The following ERG28 variants were observed in gnomAD, a reference collection of about 807,000 sequenced individuals.
ERG28 encodes the protein ergosterol biosynthesis 28 homolog, also known as ergosterol biosynthetic protein 28 homolog.
ERG28 carries 9 observed loss-of-function variants against 15.7 expected under a neutral mutation model. That is an observed-to-expected ratio of 0.57 (90% CI 0.35 to 1.00). ERG28 has a LOEUF of 1.00. ERG28 is among the 50% of genes least tolerant of loss of function. The pLI is 0.02. For synonymous variants in ERG28, 61 were observed against 68.4 expected, an observed-to-expected ratio of 0.89 and a Z score of 0.53; for missense variants, 117 against 173.3, an observed-to-expected ratio of 0.68 and a Z score of 1.82.
chr14:75,652,133 G>T (rs759176446), intron 3 of ERG28, among the ~76,000 whole-genome samples: 1 of 152,230 alleles, frequency 6.6e-6, no homozygotes, highest in Non-Finnish European at 1.5e-5. Context: ...TGAACGTCCA[G>T]GTCTCAGCAA....
Position 75,657,521 on chromosome 14 carries a change from G to C in ERG28, c.-19C>G, listed in dbSNP as rs754372842. ...GGCTCATGACTCCCCTCAAACGTGG[G>C]AGGGCTTTTTGCCTTGGAAACAAAG... On this transcript the variant is annotated 5_prime_UTR_variant, in exon 2 of 5. Transcript: ENST00000256319. 1.2e-5 allele frequency: 19 copies of C among 1,613,724 alleles called. No homozygotes were observed. The South Asian group carries it at 2.1e-4, about 18-fold the overall frequency.
Position 75,652,411 on chromosome 14 carries a change from C to A in ERG28, c.225-522G>T, listed in dbSNP as rs369353387. Among the ~76,000 whole-genome samples the A allele has an allele frequency of 1.6e-4, 24 of 152,260 alleles. 1 individual carries two copies. In the South Asian group the frequency reaches 5.0e-3, roughly 32 times the overall value. On this transcript the variant is annotated intron_variant, in intron 3 of 4. Coordinates refer to ENST00000256319, the MANE Select transcript of ERG28 (RefSeq NM_007176.4). ...TGCAATATACGTTGGTTACTTTGTG[C>A]CTTAGCCTAGAAAAGTAGTCACATT... is the stretch of plus-strand genomic sequence containing the variant.
rs912828852 is a variant in ERG28, at chr14:75,655,048, A to C, written c.134-72T>G. 13 of 1,449,078 alleles carry C rather than the reference A, an allele frequency of 9.0e-6. No homozygotes were observed. In the African/African-American group the frequency reaches 1.8e-4, roughly 20 times the overall value. 89.8% of individuals were successfully genotyped at this position (1,449,078 alleles called of 1,614,324 possible). The stretch of plus-strand genomic sequence containing the variant: ...GTTCCTTCCAAACTCCTCCTATTTC[A>C]CTGGTGGTTCATGGGAGATAGGGAG... On this transcript the variant is annotated intron_variant, in intron 2 of 4. Coordinates refer to ENST00000256319, the MANE Select transcript of ERG28 (RefSeq NM_007176.4).
At chr14:75,653,254 G>A (rs1029610003) in intron 3 of ERG28, among the ~76,000 whole-genome samples, 9 of 152,124 alleles carry the variant, frequency 5.9e-5, no homozygotes, top group East Asian at 1.9e-4. Flanking sequence ...AGGAGTCAGC[G>A]TTTGCAGCTG....
At chr14:75,657,228 A>G in intron 2 of ERG28, 142 bp downstream of exon 2, 1 of 1,033,086 alleles carries the variant, frequency 9.7e-7, no homozygotes, top group Non-Finnish European at 1.4e-6. Context: ...AGGTTCAATA[A>G]ATAGGTTTGG....
rs1890531645 is a variant in ERG28, at chr14:75,651,889, C to G, written c.225G>C (p.Thr75=). The G allele has an allele frequency of 6.2e-7, 1 of 1,601,134 alleles. No individual in the cohort carries two copies. The highest frequency in any genetic ancestry group is 8.6e-7 in the Non-Finnish European group (1 of 1,168,224). ...AGGTCCAGAGTGTGATGTGATAGAG[C>G]CTATAAGGAAGCAGACAGAAATGGG... ...CLCAIDIHNK[T]LYHITLWTFL... is the part of the protein sequence containing the mutation. The change falls in exon 4 of 5, where the codon ACG becomes ACC. Residue 75 remains threonine, a splice_region_variant and synonymous_variant. Transcript: ENST00000256319.
At chr14:75,652,174 C>T (rs1890534562) in intron 3 of ERG28, among the ~76,000 whole-genome samples, 1 of 152,196 alleles carries the variant, frequency 6.6e-6, no homozygotes, top group Admixed American at 6.5e-5. Context: ...CAAAGCAGAG[C>T]CTGAATGATG....
chr14:75,651,871 G>C lies in ERG28; in HGVS notation c.243C>G (p.Leu81=), dbSNP rs766448296. Residue 81 remains leucine, a synonymous_variant, in exon 4 of 5, where the codon CTC becomes CTG. Coordinates refer to ENST00000256319, the MANE Select transcript of ERG28 (RefSeq NM_007176.4). The part of the protein sequence containing the change: ...IHNKTLYHIT[L]WTFLLALGHF... Reference sequence around the variant, plus strand: ...GCCCCAGGGCAAGGAGGAAGGTCCAGAGTGTGATGTGATAGAGCCTATAAG... The same window carrying C: ...GCCCCAGGGCAAGGAGGAAGGTCCACAGTGTGATGTGATAGAGCCTATAAG... The C allele has an allele frequency of 1.9e-6, 3 of 1,612,660 alleles. No homozygotes were observed. Among genetic ancestry groups the C allele is most frequent in the East Asian group, 2.2e-5 (1 of 44,884 alleles).
At chr14:75,652,935 G>T (rs1953911327) in intron 3 of ERG28, among the ~76,000 whole-genome samples, 1 of 145,958 alleles carries the variant, frequency 6.9e-6, no homozygotes, top group South Asian at 2.1e-4. Context: ...TGATTCTCCT[G>T]CCTCAGCCTC....
intron 3 of ERG28, among the ~76,000 whole-genome samples, chr14:75,652,269 C>T (rs1890535631): frequency 6.6e-6 from 1 of 152,224 alleles, no homozygotes; most frequent in Admixed American, 6.5e-5. Flanking sequence ...GCAGTCTAAT[C>T]CCACCTGGCA....
At chr14:75,654,458 C>G (rs1463476431) in intron 3 of ERG28, among the ~76,000 whole-genome samples, 6 of 152,218 alleles carry the variant, frequency 3.9e-5, no homozygotes, top group East Asian at 3.8e-4. Context: ...CATACACATA[C>G]AACAGTTTAC....
Position 75,658,887 on chromosome 14 carries a change from CTTTTCCTT to C in ERG28, c.-31-1362_-31-1355del, listed in dbSNP as rs796408554. Among the ~76,000 whole-genome samples the C allele has an allele frequency of 3.9e-5, 6 of 152,200 alleles. 1 individual carries two copies. Among genetic ancestry groups the C allele is most frequent in the African/African-American group, 1.4e-4 (6 of 41,516 alleles). On this transcript the variant is annotated intron_variant, in intron 1 of 4. Coordinates refer to ENST00000256319, the MANE Select transcript of ERG28 (RefSeq NM_007176.4). ...TAACCCTTTGCAAGAGATAAAGCCT[CTTTTCCTT>C]TTTTCCAAATTTATAAATTGTGTGT...
chr14:75,651,495 C>T lies in ERG28; in HGVS notation c.*60G>A, dbSNP rs997217926. The T allele has an allele frequency of 1.8e-5, 27 of 1,483,308 alleles. No homozygotes were observed. Among genetic ancestry groups the T allele is most frequent in the African/African-American group, 7.0e-5 (5 of 71,604 alleles). 91.9% of individuals were successfully genotyped at this position (1,483,308 alleles called of 1,614,324 possible). ...AAAAGAAATTAAAGAGGAGAGACGA[C>T]GAAGGAAGAAGATGGCCAAGGTGGA... On this transcript the variant is annotated 3_prime_UTR_variant, in exon 5 of 5. Transcript: ENST00000256319.
chr14:75,656,279 AACACACACACAC>A (rs34053718), intron 2 of ERG28, among the ~76,000 whole-genome samples: 4,056 of 135,970 alleles, frequency 0.03, 65 homozygotes, highest in African/African-American at 0.034. Context: ...GTGCTGGCTG[AACACACACACAC>A]ACACACACAC....
intron 1 of ERG28, among the ~76,000 whole-genome samples, chr14:75,657,903 T>C (rs1054559072): frequency 6.6e-6 from 1 of 152,308 alleles, no homozygotes; most frequent in Admixed American, 6.5e-5. Context: ...ACTTTATAAA[T>C]TTGAGTAGGA....
chr14:75,654,763 A>G lies in ERG28; in HGVS notation c.224+123T>C, dbSNP rs1034967497. The G allele has an allele frequency of 2.0e-5, 21 of 1,072,094 alleles. No individual in the cohort carries two copies. In the Admixed American group the frequency reaches 3.8e-4, roughly 19 times the overall value. The allele number at this position is 1,072,094 out of a possible 1,614,324, so 66.4% of individuals were successfully genotyped here. A position where few individuals can be genotyped will look rare whatever the true frequency, so the allele number is the denominator to read the frequency against. ...AGGGAATGTAACCTGTGAGTTTTTT[A>G]TTATTCACATTCTAAGCTAATGCAT... is the stretch of plus-strand genomic sequence containing the variant. On this transcript the variant is annotated intron_variant, in intron 3 of 4. Coordinates refer to ENST00000256319, the MANE Select transcript of ERG28 (RefSeq NM_007176.4).
Position 75,651,934 on chromosome 14 carries a change from T to C in ERG28, c.225-45A>G, listed in dbSNP as rs115562060. 1.1e-3 allele frequency: 1,672 copies of C among 1,511,726 alleles called. 14 individuals carry two copies. In the African/African-American group the frequency reaches 0.021, roughly 19 times the overall value. 93.6% of individuals were successfully genotyped at this position (1,511,726 alleles called of 1,614,324 possible). The stretch of plus-strand genomic sequence containing the variant: ...AATGGGAACCAAAGTTACTGTTTGT[T>C]CAGAACAGAGGAAAAGTATCAGACT... On this transcript the variant is annotated intron_variant, in intron 3 of 4. Transcript: ENST00000256319.
At position 75,651,825 on chromosome 14, in the gene ERG28, C is replaced by T; in HGVS notation, c.289G>A (p.Val97Ile). ...ALGHFLSELFVYGTAAPTIGV... is the reference protein window; with the variant it reads ...ALGHFLSELFIYGTAAPTIGV... ...ATCGTGGGAGCTGCAGTTCCATAGA[C>T]AAACAACTCAGAGAGGAAATGCCCC... The change falls in exon 4 of 5, where the codon GTC (valine) becomes ATC (isoleucine). Residue 97 changes from valine (V) to isoleucine (I), a missense_variant. By Grantham distance (29) the Val-to-Ile change is conservative. Coordinates refer to ENST00000256319, the MANE Select transcript of ERG28 (RefSeq NM_007176.4). The T allele has an allele frequency of 6.2e-7, 1 of 1,614,146 alleles. No homozygotes were observed. Among genetic ancestry groups the T allele is most frequent in the Non-Finnish European group, 8.5e-7 (1 of 1,180,000 alleles).
intron 3 of ERG28, among the ~76,000 whole-genome samples, chr14:75,652,810 T>C (rs966652562): frequency 6.6e-6 from 1 of 150,868 alleles, no homozygotes; most frequent in African/African-American, 2.5e-5. Context: ...TGTGCATATT[T>C]TTACACCTTT....
Sources: gnomAD v4.1 joint callset for allele counts (sites outside exome capture counted in the v4.1 genomes callset) on GRCh38, gnomAD v4.1.1 for gene constraint, MANE v1.5 for transcripts, NCBI Gene and HGNC (gene_info 2026-07-23, HGNC 2026-07-21) for gene names.